Variants in NFATC2 observed in about 807,000 individuals in gnomAD.
NFATC2 encodes nuclear factor of activated T-cells, cytoplasmic 2.
A neutral mutation model predicts 87.3 loss-of-function variants in NFATC2; 22 were observed. The ratio of observed to expected loss-of-function variants is 0.25; its 90% confidence interval spans 0.18 to 0.36. NFATC2 has a LOEUF of 0.36. Among genes scored for constraint, NFATC2 ranks in the 10% least tolerant of loss-of-function variants. The probability of loss-of-function intolerance (pLI) is 1.00; values close to 1 mark genes in which losing one functional copy is unlikely to be tolerated. For synonymous variants in NFATC2, 565 were observed against 542.2 expected (o/e 1.04, Z -0.58); for missense variants, 1,149 against 1,259.1 (o/e 0.91, Z 1.32).
intron 3 of NFATC2, among the ~76,000 whole-genome samples, chr20:51,510,541 G>A (rs2076256425): frequency 6.6e-6 from 1 of 152,240 alleles, no homozygotes; most frequent in African/African-American, 2.4e-5. Context: ...CCAAAGTCAG[G>A]CTTGTGCATT....
intron 3 of NFATC2, among the ~76,000 whole-genome samples, chr20:51,484,998 T>C (rs1324584652): frequency 1.3e-5 from 2 of 152,364 alleles, no homozygotes; most frequent in East Asian, 3.9e-4. Flanking sequence ...GCTCTCTCAG[T>C]GTTCTAAATT....
chr20:51,507,308 G>A (rs2076200558), intron 3 of NFATC2, among the ~76,000 whole-genome samples: 1 of 152,172 alleles, frequency 6.6e-6, no homozygotes, highest in South Asian at 2.1e-4. Flanking sequence ...GATGAGCTAA[G>A]ATCATGTCTG....
intron 3 of NFATC2, among the ~76,000 whole-genome samples, chr20:51,492,614 C>T (rs538126451): frequency 1.1e-4 from 16 of 152,348 alleles, no homozygotes; most frequent in Non-Finnish European, 2.1e-4. Flanking sequence ...GCCCTCTGCG[C>T]GGCTTCAAAG....
chr20:51,474,010 A>G lies in NFATC2; in HGVS notation c.1678T>C (p.Leu560=), dbSNP rs2146511273. The G allele has an allele frequency of 6.2e-7, 1 of 1,614,244 alleles. No homozygotes were observed. Among genetic ancestry groups the G allele is most frequent in the East Asian group, 2.2e-5 (1 of 44,890 alleles). ...TCGATGGGGTTAGATGCAGTCTGTA[A>G]AGAGACGATTCTGCCACTGGACTCT... The part of the protein sequence containing the change: ...IPESSGRIVS[L]QTASNPIECS... The change falls in exon 5 of 11, where the codon TTA becomes CTA. Residue 560 remains leucine (L), a synonymous_variant. Coordinates refer to ENST00000371564, the MANE Select transcript of NFATC2 (RefSeq NM_012340.5).
intron 3 of NFATC2, among the ~76,000 whole-genome samples, chr20:51,483,580 C>T (rs1260940460): frequency 1.3e-5 from 2 of 151,362 alleles, no homozygotes; most frequent in Admixed American, 6.6e-5. Flanking sequence ...CACGTACCTG[C>T]CATCCTAACC....
chr20:51,527,943 AT>A (rs150125979), intron 1 of NFATC2, among the ~76,000 whole-genome samples: 1 of 150,846 alleles, frequency 6.6e-6, no homozygotes, highest in Non-Finnish European at 1.5e-5. Flanking sequence ...TAAAACAAAA[AT>A]TTTTTTTTCA....
chr20:51,542,953 T>A (rs184909676), upstream of NFATC2, among the ~76,000 whole-genome samples: 1 of 151,990 alleles, frequency 6.6e-6, no homozygotes, highest in Non-Finnish European at 1.5e-5. Flanking sequence ...CACGGGTGAG[T>A]GCGACACGCG....
intron 9 of NFATC2, among the ~76,000 whole-genome samples, chr20:51,428,743 C>T (rs1982244135): frequency 6.6e-6 from 1 of 152,226 alleles, no homozygotes; most frequent in Admixed American, 6.5e-5. Context: ...CCACTGGTGA[C>T]TGCTTCCTTT....
chr20:51,443,681 C>T (rs778837562), intron 6 of NFATC2, among the ~76,000 whole-genome samples: 1 of 152,160 alleles, frequency 6.6e-6, no homozygotes, highest in Non-Finnish European at 1.5e-5. Context: ...CAGACCTACC[C>T]CCGTGGAACA....
At position 51,474,050 on chromosome 20, in the gene NFATC2, G is replaced by A. The variant is rs756319724; in HGVS notation, c.1638C>T (p.Phe546=). ...CACTGGACTCTGGGATGTGAACTCGGAAAACCAGTCTCACCCGCGTGTTCT... is the reference window on the plus strand; with the variant it reads ...CACTGGACTCTGGGATGTGAACTCGAAAAACCAGTCTCACCCGCGTGTTCT... ...GRKNTRVRLV[F]RVHIPESSGR... Residue 546 remains phenylalanine, a synonymous_variant, in exon 5 of 11, where the codon TTC becomes TTT. Coordinates refer to ENST00000371564, the MANE Select transcript of NFATC2 (RefSeq NM_012340.5). The A allele has an allele frequency of 6.2e-7, 1 of 1,614,198 alleles. No homozygotes were observed.
At chr20:51,433,859 C>A (rs1195672642) in intron 8 of NFATC2, among the ~76,000 whole-genome samples, 1 of 151,924 alleles carries the variant, frequency 6.6e-6, no homozygotes, top group East Asian at 1.9e-4. Context: ...TCTCTAACCA[C>A]AGAAATTGTC....
chr20:51,542,754 G>GTT, upstream of NFATC2: 1 of 476,860 alleles, frequency 2.1e-6, no homozygotes, highest in Non-Finnish European at 2.5e-6. Context: ...GGAGGCGGGG[G>GTT]GGGGGGGGGC....
At chr20:51,482,248 A>T (rs6123039) in intron 3 of NFATC2, among the ~76,000 whole-genome samples, 6 of 151,858 alleles carry the variant, frequency 4.0e-5, no homozygotes, top group Non-Finnish European at 7.4e-5. Context: ...TCAAAGAGAA[A>T]GTTATTCAGA....
intron 5 of NFATC2, among the ~76,000 whole-genome samples, chr20:51,457,058 A>C (rs374336438): frequency 3.9e-5 from 6 of 152,344 alleles, no homozygotes; most frequent in East Asian, 3.9e-4. Context: ...GGCTACAAGG[A>C]TAGATTACAA....
intron 6 of NFATC2, among the ~76,000 whole-genome samples, chr20:51,437,027 C>T (rs936143676): frequency 6.7e-6 from 1 of 150,186 alleles, no homozygotes; most frequent in African/African-American, 2.5e-5. Context: ...TCACTCATAA[C>T]TACTGATGAA....
intron 9 of NFATC2, among the ~76,000 whole-genome samples, chr20:51,421,366 T>C (rs1980881436): frequency 6.6e-6 from 1 of 152,228 alleles, no homozygotes; most frequent in Non-Finnish European, 1.5e-5. Context: ...CCCGGCCGGA[T>C]GCAGGTCCTG....
At chr20:51,411,108 A>G (rs1257054891) in intron 9 of NFATC2, among the ~76,000 whole-genome samples, 1 of 152,182 alleles carries the variant, frequency 6.6e-6, no homozygotes, top group Non-Finnish European at 1.5e-5. Context: ...GTTCACAGTG[A>G]CCCATGAGGT....
In NFATC2 at chr20:51,536,679, G is replaced by C. The variant is rs752770421; in HGVS notation, c.130+5691C>G. On this transcript the variant is annotated intron_variant, in intron 1 of 10. Transcript: ENST00000371564. The stretch of plus-strand genomic sequence containing the variant: ...GATGCCACGTGTTTCACAGGGAAGA[G>C]TGAGTGAGGCAACTTCATTTCCTCT... Among the ~76,000 whole-genome samples, 49 of 152,306 alleles carry C rather than the reference G, an allele frequency of 3.2e-4. 1 individual carries two copies. Among genetic ancestry groups the C allele is most frequent in the Non-Finnish European group, 2.8e-4 (19 of 68,038 alleles).
At position 51,524,523 on chromosome 20, in the gene NFATC2, G is replaced by T. The variant is rs182256150; in HGVS notation, c.131-413C>A. 2.0e-5 allele frequency among the ~76,000 whole-genome samples: 3 copies of T among 152,206 alleles called. No individual in the cohort carries two copies. The highest frequency in any genetic ancestry group is 1.5e-5 in the Non-Finnish European group (1 of 68,024). ...CCTGCCTGAGTGATTTTGCTTCAAC[G>T]CTGGTCACGACCCATTAGACGGATC... On this transcript the variant is annotated intron_variant, in intron 1 of 10. Transcript: ENST00000371564. This position sits in a 1 kb window ranked among gnomAD's most constrained non-coding sequence, Gnocchi z 4.0.
Sources: gnomAD v4.1 joint callset for allele counts (sites outside exome capture counted in the v4.1 genomes callset) on GRCh38, gnomAD v4.1.1 for gene constraint, Gnocchi (gnomAD v3.1) non-coding constraint, MANE v1.5 for transcripts, NCBI Gene and HGNC (gene_info 2026-07-23, HGNC 2026-07-21) for gene names.